Variants in HMCN2 observed in about 807,000 individuals in gnomAD.
HMCN2 encodes hemicentin-2.
Under a neutral mutation model 377.5 loss-of-function variants are expected in HMCN2, and 325 were observed. The ratio of observed to expected loss-of-function variants is 0.86; its 90% CI spans 0.79 to 0.94. The LOEUF is 0.94. Ranked by LOEUF, HMCN2 falls within the 40% of genes least tolerant of loss-of-function variation. HMCN2 has a pLI of 0.00. For missense variants in HMCN2, 4,543 were observed against 4,725.3 expected (o/e 0.96, Z 1.13); for synonymous variants, 2,007 against 2,046.8 (o/e 0.98, Z 0.53).
intron 19 of HMCN2, among the ~76,000 whole-genome samples, chr9:130,324,479 C>T (rs990519323): frequency 0.07 from 10,584 of 152,214 alleles, 458 homozygotes; most frequent in Middle Eastern, 0.14. Flanking sequence ...TGTCAACATC[C>T]CCCACCAGGG....
chr9:130,272,398 G>A (rs1834451967), intron 1 of HMCN2, among the ~76,000 whole-genome samples: 1 of 147,974 alleles, frequency 6.8e-6, no homozygotes, highest in African/African-American at 2.4e-5. Flanking sequence ...GTGCCACCAT[G>A]CCTAGCTAAT....
At position 130,278,907 on chromosome 9, in the gene HMCN2, T is replaced by C. The variant is rs1488873164; in HGVS notation, c.260-5696T>C. Among the ~76,000 whole-genome samples the C allele has an allele frequency of 3.3e-5, 5 of 149,862 alleles. 1 individual carries two copies. The highest frequency in any genetic ancestry group is 4.9e-5 in the African/African-American group (2 of 40,720). On this transcript the variant is annotated intron_variant, in intron 1 of 97. Coordinates refer to ENST00000683500, the MANE Select transcript of HMCN2 (RefSeq NM_001291815.2). Reference sequence around the variant, plus strand: ...GAGACCCTATTTTCTTTTTCTTTTTTTTTTTTTTTGAGACGGAGTCTCACT... The same window carrying C: ...GAGACCCTATTTTCTTTTTCTTTTTCTTTTTTTTTGAGACGGAGTCTCACT...
At chr9:130,380,453 T>C (rs1402272810) in intron 54 of HMCN2, among the ~76,000 whole-genome samples, 3 of 151,976 alleles carry the variant, frequency 2.0e-5, no homozygotes, top group South Asian at 4.2e-4. Context: ...AGGTCTCCAA[T>C]GAGCAGAATC....
At chr9:130,419,811 G>A (rs1843888505) in intron 86 of HMCN2, among the ~76,000 whole-genome samples, 1 of 152,158 alleles carries the variant, frequency 6.6e-6, no homozygotes, top group Non-Finnish European at 1.5e-5. Flanking sequence ...GCCCTCCCAG[G>A]CAGCGCCTCT....
intron 23 of HMCN2, among the ~76,000 whole-genome samples, chr9:130,339,571 G>A (rs1165179999): frequency 1.3e-5 from 2 of 152,190 alleles, no homozygotes; most frequent in African/African-American, 4.8e-5. Flanking sequence ...CTGGCTGTGT[G>A]ACCTTAGGCC....
At chr9:130,403,125 G>A (rs1005669170) in intron 78 of HMCN2, 69 bp from the exon 79 acceptor site, 9 of 1,238,602 alleles carry the variant, frequency 7.3e-6, no homozygotes, top group East Asian at 5.8e-5. Context: ...CTGATGCTCC[G>A]AGGCCCGCTG....
chr9:130,414,149 C>T lies in HMCN2; in HGVS notation c.12961+3497C>T, dbSNP rs928323197. ...GCCCCTGTACCGAGGCACTGCTCTC[C>T]CCACACTGGAGCAGGATGCTGTCAG... On this transcript the variant is annotated intron_variant, in intron 85 of 97. Transcript: ENST00000683500. The surrounding 1 kb of genome is among the most constrained non-coding windows in gnomAD (Gnocchi z 4.4). Among the ~76,000 whole-genome samples the T allele has an allele frequency of 1.3e-5, 2 of 152,190 alleles. No individual in the cohort carries two copies. The highest frequency in any genetic ancestry group is 4.8e-5 in the African/African-American group (2 of 41,438).
At chr9:130,432,245 G>C (rs1844801516) in intron 96 of HMCN2, among the ~76,000 whole-genome samples, 184 bp from the exon 97 acceptor site, 1 of 152,182 alleles carries the variant, frequency 6.6e-6, no homozygotes, top group Non-Finnish European at 1.5e-5. Context: ...GGCCCCCCGA[G>C]GGAGATGAGA....
chr9:130,398,186 A>G (rs529123660), intron 74 of HMCN2, among the ~76,000 whole-genome samples: 33 of 150,598 alleles, frequency 2.2e-4, no homozygotes, highest in African/African-American at 7.6e-4. Flanking sequence ...AAAGTAAAAC[A>G]TGTGAAAGGA....
chr9:130,272,994 C>T (rs1554921711), intron 1 of HMCN2, among the ~76,000 whole-genome samples: 1 of 152,128 alleles, frequency 6.6e-6, no homozygotes, highest in African/African-American at 2.4e-5. Context: ...TGTGTTAAAT[C>T]TTGATTTTGG....
chr9:130,317,885 G>A (rs936288237), intron 15 of HMCN2, among the ~76,000 whole-genome samples: 6,162 of 152,204 alleles, frequency 0.04, 169 homozygotes, highest in South Asian at 0.083. Flanking sequence ...CGGTCTGGGA[G>A]GAGAGGAATC....
Position 130,396,252 on chromosome 9 carries a change from G to T in HMCN2, c.11137G>T (p.Val3713Leu), listed in dbSNP as rs575237807. ...TALLPCQADG[V>L]PAPLVSWRKD... Reference sequence around the variant, plus strand: ...CCTGCTGCCTTGCCAGGCCGACGGCGTGCCCGCACCCCTCGTGAGCTGGCG... The same window carrying T: ...CCTGCTGCCTTGCCAGGCCGACGGCTTGCCCGCACCCCTCGTGAGCTGGCG... Residue 3713 changes from valine to leucine, a missense_variant, in exon 73 of 98, where the codon GTG (valine) becomes TTG (leucine). Val to Leu is a conservative substitution (Grantham distance 32). Transcript: ENST00000683500. 5.4e-6 allele frequency: 7 copies of T among 1,286,790 alleles called. No individual in the cohort carries two copies. In the South Asian group the frequency reaches 8.6e-5, roughly 16 times the overall value. 79.7% of individuals were successfully genotyped at this position (1,286,790 alleles called of 1,614,324 possible).
rs1466956561 is a variant in HMCN2, at chr9:130,295,744, C to T, written c.863C>T (p.Pro288Leu). 3 of 470,902 alleles carry T rather than the reference C, an allele frequency of 6.4e-6. No homozygotes were observed. Among genetic ancestry groups the T allele is most frequent in the African/African-American group, 4.0e-5 (2 of 50,062 alleles). 29.2% of individuals were successfully genotyped at this position (470,902 alleles called of 1,614,324 possible). A position where few individuals can be genotyped will look rare whatever the true frequency, so the allele number is the denominator to read the frequency against. Residue 288 changes from proline (P) to leucine (L), a missense_variant, in exon 6 of 98, where the codon CCT becomes CTT. Physicochemically the swap from Pro to Leu is moderately conservative, Grantham distance 98. This residue lies in a region of HMCN2 where 547 missense variants were observed against 189.9 expected (regional missense o/e 2.88). Transcript: ENST00000683500. ...PDSAKVVAFK[P>L]EHPGLWSIKV... ...TCGGCCAAGGTCGTAGCCTTTAAGC[C>T]TGAGCATCCGGGGCTGTGGTCCATC... is the stretch of plus-strand genomic sequence containing the variant.
Position 130,393,417 on chromosome 9 carries a change from C to T in HMCN2, c.10234+108C>T, listed in dbSNP as rs907300399. ...TGGAACCAAGGATGGGCCCTGGGGG[C>T]GTCGAGGAGAGCGGACACTGCGGCT... On this transcript the variant is annotated intron_variant, in intron 67 of 97. Transcript: ENST00000683500. This position sits in a 1 kb window ranked among gnomAD's most constrained non-coding sequence, Gnocchi z 5.2. 27 of 673,248 alleles carry T rather than the reference C, an allele frequency of 4.0e-5. No homozygotes were observed. The highest frequency in any genetic ancestry group is 5.6e-5 in the Admixed American group (1 of 18,000). The allele number at this position is 673,248 out of a possible 1,614,324, so 41.7% of individuals were successfully genotyped here.
rs2131807552 is a variant in HMCN2 at position 130,423,893 on chromosome 9, A to G, written c.13382-883A>G. The stretch of plus-strand genomic sequence containing the variant: ...GCAAATATATAATGACAGTCTGTGG[A>G]GTCCCTGGCTCCGTGGTGACCCGGG... On this transcript the variant is annotated intron_variant, in intron 87 of 97. Transcript: ENST00000683500. This position sits in a 1 kb window ranked among gnomAD's most constrained non-coding sequence, Gnocchi z 5.5. 6.6e-6 allele frequency among the ~76,000 whole-genome samples: 1 copy of G among 152,306 alleles called. No individual in the cohort carries two copies. The highest frequency in any genetic ancestry group is 1.5e-5 in the Non-Finnish European group (1 of 68,026).
chr9:130,433,360 G>A lies in HMCN2; in HGVS notation c.14907G>A (p.Arg4969=), dbSNP rs572729404. The change falls in exon 98 of 98, where the codon CGG becomes CGA. Residue 4969 remains arginine, a synonymous_variant. Transcript: ENST00000683500. ...RQGPSPGTCF[R]RCSQDCGTGG... is the part of the protein sequence containing the mutation. ...GTGCCGCCCGCAGGACGTGCTTCCG[G>A]CGCTGCTCGCAGGACTGCGGCACGG... is the stretch of plus-strand genomic sequence containing the variant. 63 of 1,460,706 alleles carry A rather than the reference G, an allele frequency of 4.3e-5. No homozygotes were observed. In the East Asian group the frequency reaches 1.5e-3, roughly 34 times the overall value. 90.5% of individuals were successfully genotyped at this position (1,460,706 alleles called of 1,614,324 possible). A position where few individuals can be genotyped will look rare whatever the true frequency, so the allele number is the denominator to read the frequency against.
chr9:130,349,212 G>C, intron 28 of HMCN2, 81 bp downstream of exon 28: 1 of 1,239,470 alleles, frequency 8.1e-7, no homozygotes, highest in Non-Finnish European at 1.1e-6. Flanking sequence ...CGGGGGAGAG[G>C]GTAGACTTTG....
chr9:130,306,500 C>T (rs1376039347), intron 12 of HMCN2, among the ~76,000 whole-genome samples: 6 of 151,986 alleles, frequency 3.9e-5, no homozygotes, highest in East Asian at 1.9e-4. Context: ...GCCCAAATCC[C>T]GCCCCCACCA....
At chr9:130,288,302 G>A (rs570696382) in intron 4 of HMCN2, among the ~76,000 whole-genome samples, 3 of 152,308 alleles carry the variant, frequency 2.0e-5, no homozygotes, top group South Asian at 2.1e-4. Flanking sequence ...CAGTCTGGCC[G>A]GGCAGCATGT....
Sources: gnomAD v4.1 joint callset for allele counts (sites outside exome capture counted in the v4.1 genomes callset) on GRCh38, gnomAD v4.1.1 for gene constraint, gnomAD v4.1.1 regional missense constraint, Gnocchi (gnomAD v3.1) non-coding constraint, MANE v1.5 for transcripts, NCBI Gene and HGNC (gene_info 2026-07-23, HGNC 2026-07-21) for gene names.